CCDC91: variants seen among roughly 807,000 people sequenced by gnomAD.
CCDC91 encodes the protein coiled-coil domain containing 91, also known as coiled-coil domain-containing protein 91.
A neutral mutation model predicts 63.2 loss-of-function variants in CCDC91; 48 were observed. The observed-to-expected ratio is 0.76, with a 90% CI of 0.60 to 0.97. The LOEUF is 0.97. Among genes scored for constraint, CCDC91 ranks in the 50% least tolerant of loss-of-function variants. The pLI, the probability that CCDC91 is intolerant of heterozygous loss-of-function variation, is 0.00. For synonymous variants in CCDC91, 167 were observed against 165.8 expected, an observed-to-expected ratio of 1.01 and a Z score of -0.06; for missense variants, 500 against 494.6, an observed-to-expected ratio of 1.01 and a Z score of -0.10.
intron 3 of CCDC91, among the ~76,000 whole-genome samples, chr12:28,267,722 T>A (rs1204196531): frequency 1.4e-4 from 9 of 63,834 alleles, no homozygotes; most frequent in Admixed American, 1.4e-3. Context: ...TAATTATATA[T>A]ATTATTTATT....
At chr12:28,262,520 A>C (rs563971310) in intron 3 of CCDC91, among the ~76,000 whole-genome samples, 1 of 152,012 alleles carries the variant, frequency 6.6e-6, no homozygotes, top group Non-Finnish European at 1.5e-5. Context: ...TGTATTTCTT[A>C]AAGTGTCTGT....
chr12:28,220,805 T>C (rs1943887466), intron 1 of CCDC91, among the ~76,000 whole-genome samples: 1 of 152,144 alleles, frequency 6.6e-6, no homozygotes, highest in Non-Finnish European at 1.5e-5. Context: ...AGCCTACTTT[T>C]ATTCTTATTT....
At chr12:28,446,277 A>G (rs1949496538) in intron 8 of CCDC91, among the ~76,000 whole-genome samples, 1 of 152,190 alleles carries the variant, frequency 6.6e-6, no homozygotes, top group South Asian at 2.1e-4. Context: ...AAATCAGTTC[A>G]ATATCTTTTG....
chr12:28,273,052 A>C (rs1355477958), intron 3 of CCDC91, among the ~76,000 whole-genome samples: 3 of 127,248 alleles, frequency 2.4e-5, no homozygotes, highest in African/African-American at 9.1e-5. Flanking sequence ...ATGTGTTCTC[A>C]TTGTTCAGTT....
Position 28,304,443 on chromosome 12 carries a change from C to G in CCDC91, c.110-1206C>G, listed in dbSNP as rs963066680. On this transcript the variant is annotated intron_variant, in intron 3 of 12. Transcript: ENST00000536442. ...AAAAAAGAAATGCCTATGGGTGAAG[C>G]TAGACTATATTAATTATATAGTATG... Among the ~76,000 whole-genome samples the G allele has an allele frequency of 2.9e-5, 4 of 140,092 alleles. 1 individual carries two copies. Among genetic ancestry groups the G allele is most frequent in the Non-Finnish European group, 1.5e-5 (1 of 65,678 alleles). 91.9% of individuals were successfully genotyped at this position (140,092 alleles called of 152,430 possible). A position where few individuals can be genotyped will look rare whatever the true frequency, so the allele number is the denominator to read the frequency against.
intron 8 of CCDC91, among the ~76,000 whole-genome samples, chr12:28,432,660 A>G (rs1171154067): frequency 6.6e-6 from 1 of 152,122 alleles, no homozygotes; most frequent in African/African-American, 2.4e-5. Context: ...AGTTTTGGCA[A>G]TAGATAAAAT....
At chr12:28,523,754 T>C (rs1435465915) in intron 12 of CCDC91, among the ~76,000 whole-genome samples, 2 of 152,196 alleles carry the variant, frequency 1.3e-5, no homozygotes, top group East Asian at 3.8e-4. Flanking sequence ...TCAGGAGCTC[T>C]TGTAAGGCAG....
At chr12:28,381,263 G>A (rs545402521) in intron 7 of CCDC91, among the ~76,000 whole-genome samples, 32 of 152,114 alleles carry the variant, frequency 2.1e-4, no homozygotes, top group African/African-American at 6.3e-4. Flanking sequence ...TAAAATGGAT[G>A]TTTTGTTTTT....
At chr12:28,199,446 C>T (rs546235158) in intron 1 of CCDC91, among the ~76,000 whole-genome samples, 3 of 152,208 alleles carry the variant, frequency 2.0e-5, no homozygotes, top group Admixed American at 2.0e-4. Context: ...ATTTATGCAG[C>T]TGTCTTTTCA....
chr12:28,223,194 T>A (rs1944059967), intron 1 of CCDC91, among the ~76,000 whole-genome samples: 1 of 152,200 alleles, frequency 6.6e-6, no homozygotes, highest in Non-Finnish European at 1.5e-5. Context: ...AGCTCTTGCA[T>A]GTTTCTGGGT....
intron 2 of CCDC91, among the ~76,000 whole-genome samples, chr12:28,257,987 T>C (rs901975475): frequency 1.3e-5 from 2 of 151,682 alleles, no homozygotes; most frequent in African/African-American, 4.8e-5. Context: ...AAAAGGGAAT[T>C]ATAAAAACCA....
chr12:28,332,659 A>T (rs1336650982), intron 6 of CCDC91, among the ~76,000 whole-genome samples: 1 of 152,170 alleles, frequency 6.6e-6, no homozygotes, highest in Non-Finnish European at 1.5e-5. Flanking sequence ...AAACTAGTTT[A>T]ATGCTCTGCT....
chr12:28,549,254 G>GT lies in CCDC91; in HGVS notation c.*84dup. Reference sequence around the variant, plus strand: ...TACACACTCTGAATTATAAAGATGTGTTTGTTTTCTTTCCAAATCATGTAG... The same window carrying GT: ...TACACACTCTGAATTATAAAGATGTGTTTTGTTTTCTTTCCAAATCATGTAG... On this transcript the variant is annotated 3_prime_UTR_variant, in exon 13 of 13. Transcript: ENST00000536442. 1.3e-6 allele frequency: 1 copy of GT among 771,910 alleles called. No homozygotes were observed. The highest frequency in any genetic ancestry group is 2.2e-6 in the Non-Finnish European group (1 of 453,364). The allele number at this position is 771,910 out of a possible 1,614,324, so 47.8% of individuals were successfully genotyped here.
intron 8 of CCDC91, among the ~76,000 whole-genome samples, chr12:28,449,034 CAG>C (rs780617507): frequency 2.0e-5 from 3 of 152,012 alleles, no homozygotes; most frequent in Non-Finnish European, 4.4e-5. Flanking sequence ...CATAATTTCT[CAG>C]AGTCATGTAA....
chr12:28,509,829 A>T (rs1014098058), intron 12 of CCDC91, among the ~76,000 whole-genome samples: 3 of 151,994 alleles, frequency 2.0e-5, no homozygotes, highest in African/African-American at 7.2e-5. Context: ...TAGTAGACTC[A>T]TGTGTAAAGA....
intron 12 of CCDC91, among the ~76,000 whole-genome samples, chr12:28,518,957 G>A (rs1940270307): frequency 6.6e-6 from 1 of 151,822 alleles, no homozygotes; most frequent in Non-Finnish European, 1.5e-5. Context: ...AAGATCAGTT[G>A]GCTATAAGTA....
intron 6 of CCDC91, among the ~76,000 whole-genome samples, 158 bp from the exon 7 acceptor site, chr12:28,362,280 T>TATATATATATATATATATA (rs1943940766): frequency 7.6e-6 from 1 of 131,722 alleles, no homozygotes; most frequent in East Asian, 2.0e-4. Flanking sequence ...AAGCAAAGCT[T>TATATATATATATATATATA]TATATATATA....
intron 12 of CCDC91, among the ~76,000 whole-genome samples, chr12:28,490,395 A>G (rs2140990130): frequency 6.6e-6 from 1 of 151,978 alleles, no homozygotes; most frequent in South Asian, 2.1e-4. Context: ...TTTTGATGCC[A>G]AAGGGAATTT....
At chr12:28,447,986 G>C (rs888910790) in intron 8 of CCDC91, among the ~76,000 whole-genome samples, 59 of 152,036 alleles carry the variant, frequency 3.9e-4, no homozygotes, top group Non-Finnish European at 1.2e-4. Context: ...CGGAAGCATA[G>C]ATTACTCTTA....
Sources: allele counts gnomAD v4.1 joint callset (sites outside exome capture counted in the v4.1 genomes callset), GRCh38; gene constraint gnomAD v4.1.1; transcripts MANE v1.5; gene names NCBI Gene and HGNC (gene_info 2026-07-23, HGNC 2026-07-21).